Variants in ENPP2 observed in about 807,000 individuals in gnomAD.
ENPP2 encodes ectonucleotide pyrophosphatase/phosphodiesterase 2.
In ENPP2, 51 loss-of-function variants were observed where a neutral mutation model predicts 120.2. That is an observed-to-expected ratio of 0.42 (90% CI 0.34 to 0.54). The LOEUF (loss-of-function observed/expected upper bound fraction) is 0.54. Among genes scored for constraint, ENPP2 ranks in the 20% least tolerant of loss-of-function variants. ENPP2 has a pLI of 0.04. For missense variants in ENPP2, 920 were observed against 1,066.5 expected (o/e 0.86, Z 1.91); for synonymous variants, 365 against 366.4 (o/e 1.00, Z 0.04).
intron 1 of ENPP2, among the ~76,000 whole-genome samples, chr8:119,650,026 G>GTATA (rs1411928479): frequency 1.3e-5 from 2 of 152,154 alleles, no homozygotes; most frequent in African/African-American, 4.8e-5. Context: ...CCACTCTTAT[G>GTATA]TATATACCCA....
In ENPP2 at chr8:119,582,411, T is replaced by C. The variant is rs1325151930; in HGVS notation, c.1728+7A>G. 1.2e-6 allele frequency: 2 copies of C among 1,610,640 alleles called. No homozygotes were observed. The highest frequency in any genetic ancestry group is 1.7e-5 in the Admixed American group (1 of 59,828). On this transcript the variant is annotated splice_region_variant and intron_variant, in intron 18 of 24. Transcript: ENST00000075322. ...TTCTCCATAATAAACATAAAGATTA[T>C]TTCTACCTTTGGCTCTACCTTATCA...
chr8:119,586,041 T>C (rs1813086492), intron 15 of ENPP2, 145 bp downstream of exon 15: 1 of 867,370 alleles, frequency 1.2e-6, no homozygotes, highest in Non-Finnish European at 1.8e-6. Context: ...GCACTGATGG[T>C]TTATGTAGCC....
At chr8:119,616,238 T>C (rs1405201018) in intron 8 of ENPP2, 27 bp downstream of exon 8, 8 of 1,596,508 alleles carry the variant, frequency 5.0e-6, no homozygotes, top group Admixed American at 3.4e-5. Context: ...CACAAACACA[T>C]AGACACACAA....
chr8:119,633,452 C>T (rs998236633), intron 2 of ENPP2, among the ~76,000 whole-genome samples: 9 of 151,104 alleles, frequency 6.0e-5, no homozygotes, highest in Admixed American at 5.3e-4. Context: ...GTTATACCAG[C>T]TCCTTTTCTC....
intron 1 of ENPP2, among the ~76,000 whole-genome samples, chr8:119,669,760 G>A (rs1818186691): frequency 6.6e-6 from 1 of 152,156 alleles, no homozygotes; most frequent in Non-Finnish European, 1.5e-5. Context: ...GAAGAGTAGT[G>A]TGTATCTATA....
rs1408602803 is a variant in ENPP2, at chr8:119,584,046, T to A, written c.1371A>T (p.Lys457Asn). The A allele has an allele frequency of 1.2e-6, 2 of 1,600,792 alleles. No individual in the cohort carries two copies. Among genetic ancestry groups the A allele is most frequent in the Non-Finnish European group, 1.7e-6 (2 of 1,169,430 alleles). ...ATGGTTTCTTATAAACATCCAAAGGTTTCCTAAATTGAAACAATTTCATGA... is the reference window on the plus strand; with the variant it reads ...ATGGTTTCTTATAAACATCCAAAGGATTCCTAAATTGAAACAATTTCATGA... ...LVERRWHVAR[K>N]PLDVYKKPSG... Residue 457 changes from lysine to asparagine, a missense_variant, in exon 16 of 25, where the codon AAA (lysine) becomes AAT (asparagine). Lys to Asn is a moderately conservative substitution (Grantham distance 94). Coordinates refer to ENST00000075322, the MANE Select transcript of ENPP2 (RefSeq NM_001040092.3).
intron 1 of ENPP2, among the ~76,000 whole-genome samples, chr8:119,647,014 T>C (rs1817489323): frequency 6.6e-6 from 1 of 151,724 alleles, no homozygotes; most frequent in Non-Finnish European, 1.5e-5. Context: ...TTTTTTTTTT[T>C]TGAGACAGAG....
chr8:119,572,186 T>C (rs1291938026), intron 19 of ENPP2: 22 of 1,553,428 alleles, frequency 1.4e-5, no homozygotes, highest in African/African-American at 2.7e-5. Flanking sequence ...CTTTTCTAGG[T>C]TCAAAATTTC....
At chr8:119,581,473 G>A (rs1327742848) in intron 18 of ENPP2, among the ~76,000 whole-genome samples, 1 of 152,018 alleles carries the variant, frequency 6.6e-6, no homozygotes, top group Non-Finnish European at 1.5e-5. Context: ...GGAAGTACAG[G>A]GGAGGAAGAT....
chr8:119,635,121 A>G (rs1462288547), intron 2 of ENPP2, among the ~76,000 whole-genome samples: 2 of 152,242 alleles, frequency 1.3e-5, no homozygotes, highest in Non-Finnish European at 2.9e-5. Context: ...TTCATTGCAG[A>G]GCAAAATTTC....
At chr8:119,624,177 T>C (rs917222575) in intron 3 of ENPP2, among the ~76,000 whole-genome samples, 3 of 152,188 alleles carry the variant, frequency 2.0e-5, no homozygotes, top group African/African-American at 7.2e-5. Context: ...TAATAAGCTA[T>C]GTTTATTGAG....
intron 1 of ENPP2, among the ~76,000 whole-genome samples, chr8:119,669,710 A>C (rs1818184198): frequency 6.6e-6 from 1 of 152,218 alleles, no homozygotes. Flanking sequence ...GAAAGTTCAT[A>C]CAAAGTGCAA....
rs140317735 is a variant in ENPP2, at chr8:119,573,863, T to C, written c.1781-3022A>G. 6.5e-3 allele frequency among the ~76,000 whole-genome samples: 995 copies of C among 152,318 alleles called. 4 individuals carry two copies. The highest frequency in any genetic ancestry group is 9.0e-3 in the Non-Finnish European group (609 of 68,024). ...TTGAGTTCCATAGCTTCCAAGCTAT[T>C]GTCATAACTGCAAGTTTTGGCACAC... is the stretch of plus-strand genomic sequence containing the variant. On this transcript the variant is annotated intron_variant, in intron 19 of 24. Coordinates refer to ENST00000075322, the MANE Select transcript of ENPP2 (RefSeq NM_001040092.3).
At chr8:119,623,184 G>A (rs1816027008) in intron 3 of ENPP2, among the ~76,000 whole-genome samples, 1 of 152,078 alleles carries the variant, frequency 6.6e-6, no homozygotes, top group African/African-American at 2.4e-5. Context: ...AGATATTACG[G>A]GCCAGGCTCA....
intron 18 of ENPP2, among the ~76,000 whole-genome samples, chr8:119,581,693 T>G (rs1195849598): frequency 1.3e-5 from 2 of 152,012 alleles, no homozygotes; most frequent in Non-Finnish European, 2.9e-5. Flanking sequence ...TCCACCCTGC[T>G]CAGCCTTGGT....
intron 18 of ENPP2, 127 bp from the exon 19 acceptor site, chr8:119,580,294 T>C (rs1006785177): frequency 4.0e-6 from 3 of 750,496 alleles, no homozygotes; most frequent in Admixed American, 2.1e-5. Context: ...ATCTATATCA[T>C]ACATTCTTTC....
At chr8:119,660,069 A>G (rs1817877877) in intron 1 of ENPP2, among the ~76,000 whole-genome samples, 1 of 152,186 alleles carries the variant, frequency 6.6e-6, no homozygotes, top group Admixed American at 6.5e-5. Flanking sequence ...CTGAAAATGT[A>G]TCTCTCCTAG....
chr8:119,648,363 G>A (rs1044569217), intron 1 of ENPP2, among the ~76,000 whole-genome samples: 1 of 152,180 alleles, frequency 6.6e-6, no homozygotes, highest in African/African-American at 2.4e-5. Flanking sequence ...TGTAAGTAAA[G>A]TTAAAAATGT....
At chr8:119,572,133 G>A (rs1327181474) in intron 19 of ENPP2, 2 of 1,094,634 alleles carry the variant, frequency 1.8e-6, no homozygotes, top group Non-Finnish European at 2.7e-6. Context: ...GTACTTAGGG[G>A]CAGTAAAACA....
Sources: allele counts gnomAD v4.1 joint callset (sites outside exome capture counted in the v4.1 genomes callset), GRCh38; gene constraint gnomAD v4.1.1; transcripts MANE v1.5; gene names NCBI Gene and HGNC (gene_info 2026-07-23, HGNC 2026-07-21).